Variants in HPSE2 observed in about 807,000 individuals in gnomAD.
HPSE2 encodes the protein inactive heparanase-2.
A neutral mutation model predicts 60.5 loss-of-function variants in HPSE2; 38 were observed. The ratio of observed to expected loss-of-function variants is 0.63; its 90% confidence interval spans 0.48 to 0.82. The LOEUF (loss-of-function observed/expected upper bound fraction) is 0.82. Ranked by LOEUF, HPSE2 falls within the 40% of genes least tolerant of loss-of-function variation. HPSE2 has a pLI of 0.00. For missense variants in HPSE2, 713 were observed against 740.4 expected (o/e 0.96, Z 0.43); for synonymous variants, 295 against 293.2 (o/e 1.01, Z -0.06).
chr10:98,642,949 A>G (rs1223808520), intron 6 of HPSE2, among the ~76,000 whole-genome samples: 1 of 152,244 alleles, frequency 6.6e-6, no homozygotes, highest in Non-Finnish European at 1.5e-5. Context: ...ATTATTTTCA[A>G]TGTCAACTTG....
intron 3 of HPSE2, among the ~76,000 whole-genome samples, chr10:99,009,936 A>G (rs1281691532): frequency 6.6e-6 from 1 of 152,254 alleles, no homozygotes; most frequent in Non-Finnish European, 1.5e-5. Context: ...TAGTTTCATA[A>G]AAACTTGTCA....
At chr10:98,638,880 A>G (rs1248605486) in intron 7 of HPSE2, among the ~76,000 whole-genome samples, 1 of 152,150 alleles carries the variant, frequency 6.6e-6, no homozygotes, top group Non-Finnish European at 1.5e-5. Context: ...GAATCAGGGG[A>G]AAAAAACAGG....
intron 9 of HPSE2, among the ~76,000 whole-genome samples, chr10:98,605,236 G>A (rs1945543719): frequency 6.6e-6 from 1 of 152,168 alleles, no homozygotes; most frequent in African/African-American, 2.4e-5. Context: ...CCTATGCAAG[G>A]CACCTTATGT....
chr10:99,279,241 C>T, the HPSE2 span, among the ~76,000 whole-genome samples: 1 of 152,016 alleles, frequency 6.6e-6, no homozygotes, highest in African/African-American at 2.4e-5. Flanking sequence ...TTACTGATAC[C>T]ATGGAAAGTG....
intron 3 of HPSE2, among the ~76,000 whole-genome samples, chr10:98,820,326 A>G (rs976014327): frequency 1.6e-4 from 24 of 152,144 alleles, no homozygotes; most frequent in African/African-American, 5.8e-4. Flanking sequence ...GAAAGACTAT[A>G]ATTTACCCAG....
At chr10:98,731,972 TTA>T (rs1211653679) in intron 4 of HPSE2, among the ~76,000 whole-genome samples, 1 of 152,116 alleles carries the variant, frequency 6.6e-6, no homozygotes, top group Non-Finnish European at 1.5e-5. Flanking sequence ...ATAAAATCAA[TTA>T]TATTTCTAAG....
At chr10:98,984,998 A>C (rs1010616876) in intron 3 of HPSE2, among the ~76,000 whole-genome samples, 1 of 152,212 alleles carries the variant, frequency 6.6e-6, no homozygotes, top group African/African-American at 2.4e-5. Context: ...ATGTGAAAAG[A>C]CCAAATCTAC....
intron 3 of HPSE2, among the ~76,000 whole-genome samples, chr10:99,063,025 G>A (rs1272329982): frequency 1.3e-5 from 2 of 152,160 alleles, no homozygotes; most frequent in East Asian, 3.9e-4. Context: ...CATTTCTAGT[G>A]TGAGCCTAGA....
rs2136412696 is a variant in HPSE2, at chr10:98,459,352, T to C, written c.*222A>G. 2 of 618,700 alleles carry C rather than the reference T, an allele frequency of 3.2e-6. No individual in the cohort carries two copies. The highest frequency in any genetic ancestry group is 2.9e-6 in the Non-Finnish European group (1 of 341,600). The allele number at this position is 618,700 out of a possible 1,614,324, so 38.3% of individuals were successfully genotyped here. On this transcript the variant is annotated 3_prime_UTR_variant, in exon 12 of 12. Transcript: ENST00000370552. ...ACACATGCCTTTATCCTTATATAGGTACAGGTGATGTCTACATTTTCCTTT... is the reference window on the plus strand; with the variant it reads ...ACACATGCCTTTATCCTTATATAGGCACAGGTGATGTCTACATTTTCCTTT...
chr10:98,548,624 A>C (rs1351779705), intron 9 of HPSE2, among the ~76,000 whole-genome samples: 1 of 152,248 alleles, frequency 6.6e-6, no homozygotes, highest in East Asian at 1.9e-4. Context: ...CTCAAAAAAA[A>C]AAAAAAGAAA....
At chr10:98,659,136 T>C (rs1947156858) in intron 6 of HPSE2, among the ~76,000 whole-genome samples, 1 of 152,186 alleles carries the variant, frequency 6.6e-6, no homozygotes, top group Admixed American at 6.5e-5. Context: ...ATCATTTTTT[T>C]TGTCTCTATG....
rs544188178 is a variant in HPSE2, at chr10:99,220,832, G to A, written c.448+11516C>T. 8.2e-5 allele frequency among the ~76,000 whole-genome samples: 12 copies of A among 147,046 alleles called. No homozygotes were observed. The East Asian group carries it at 2.4e-3, about 30-fold the overall frequency. Reference sequence around the variant, plus strand: ...CAAAAAAAAAAAAAAAAGTGGGAATGGAACATGAAGGGAGGCTTTCACTTT... The same window carrying A: ...CAAAAAAAAAAAAAAAAGTGGGAATAGAACATGAAGGGAGGCTTTCACTTT... On this transcript the variant is annotated intron_variant, in intron 2 of 11. Transcript: ENST00000370552.
rs116989941 is a variant in HPSE2, at chr10:98,553,217, T to C, written c.1320+61687A>G. Among the ~76,000 whole-genome samples, 32 of 152,314 alleles carry C rather than the reference T, an allele frequency of 2.1e-4. No homozygotes were observed. The East Asian group carries it at 5.6e-3, about 27-fold the overall frequency. On this transcript the variant is annotated intron_variant, in intron 9 of 11. Transcript: ENST00000370552. ...TACATGAACTATTTCAAGAAACATA[T>C]TCCCAGCATTCTGGGAATATTAAAA...
intron 6 of HPSE2, among the ~76,000 whole-genome samples, chr10:98,665,659 A>G (rs1453073590): frequency 6.6e-6 from 1 of 152,198 alleles, no homozygotes; most frequent in Non-Finnish European, 1.5e-5. Context: ...AGAAATTCCA[A>G]CCAACAATTT....
intron 5 of HPSE2, among the ~76,000 whole-genome samples, chr10:98,703,423 C>T (rs937154446): frequency 1.3e-5 from 2 of 152,146 alleles, no homozygotes; most frequent in Non-Finnish European, 2.9e-5. Flanking sequence ...TCCTCCCTAG[C>T]TCATTTTATG....
intron 9 of HPSE2, among the ~76,000 whole-genome samples, chr10:98,568,065 G>T (rs147451794): frequency 2.0e-5 from 3 of 152,308 alleles, no homozygotes; most frequent in African/African-American, 7.2e-5. Flanking sequence ...AATGGGTTTT[G>T]TAACCTTAGT....
At chr10:98,861,742 C>A (rs1952463294) in intron 3 of HPSE2, among the ~76,000 whole-genome samples, 4 of 152,062 alleles carry the variant, frequency 2.6e-5, no homozygotes, top group Admixed American at 1.3e-4. Context: ...GGCAGCCATA[C>A]CACAGGGTCA....
intron 2 of HPSE2, among the ~76,000 whole-genome samples, chr10:99,145,455 TAAA>T (rs535573877): frequency 1.2e-4 from 17 of 143,246 alleles, no homozygotes; most frequent in South Asian, 6.5e-4. Flanking sequence ...GACTCTGTCT[TAAA>T]AAAAAAAAAA....
At chr10:99,293,287 G>A in the HPSE2 span, among the ~76,000 whole-genome samples, 1 of 152,202 alleles carries the variant, frequency 6.6e-6, no homozygotes, top group Non-Finnish European at 1.5e-5. Flanking sequence ...ATAGCAAATG[G>A]TATAAGTTAG....
Sources: gnomAD v4.1 joint callset for allele counts (sites outside exome capture counted in the v4.1 genomes callset) on GRCh38, gnomAD v4.1.1 for gene constraint, MANE v1.5 for transcripts, NCBI Gene and HGNC (gene_info 2026-07-23, HGNC 2026-07-21) for gene names.